HEATR4: variants seen among roughly 807,000 people sequenced by gnomAD.
The protein encoded by HEATR4 is HEAT repeat-containing protein 4.
HEATR4 carries 95 observed loss-of-function variants against 108.8 expected under a neutral mutation model. The observed-to-expected ratio is 0.87, with a 90% CI of 0.74 to 1.04. The LOEUF (loss-of-function observed/expected upper bound fraction) is 1.04. HEATR4 is among the 50% of genes least tolerant of loss of function. The pLI is 0.00. For synonymous variants in HEATR4, 443 were observed against 459.4 expected (o/e 0.96, Z 0.46); for missense variants, 1,152 against 1,253.8 (o/e 0.92, Z 1.23).
chr14:73,507,030 T>C (rs998383521), intron 9 of HEATR4, among the ~76,000 whole-genome samples: 1 of 152,020 alleles, frequency 6.6e-6, no homozygotes, highest in Non-Finnish European at 1.5e-5. Flanking sequence ...CTTGAATTCC[T>C]GACCTCAGGT....
In HEATR4 at chr14:73,492,005, A is replaced by T. The variant is rs1394950635; in HGVS notation, c.2844+1061T>A. The T allele has an allele frequency of 6.2e-7, 1 of 1,613,836 alleles. No homozygotes were observed. Among genetic ancestry groups the T allele is most frequent in the Non-Finnish European group, 8.5e-7 (1 of 1,179,872 alleles). On this transcript the variant is annotated intron_variant, in intron 17 of 17. Coordinates refer to ENST00000553558, the MANE Select transcript of HEATR4 (RefSeq NM_001220484.1). The surrounding 1 kb of genome is among the most constrained non-coding windows in gnomAD (Gnocchi z 4.9). ...CATGGCAGGCTCCAACGTTTACCTC[A>T]CGCCCCCTAACTCGCAGGGCTTTGC...
chr14:73,508,707 C>T (rs1887004133), intron 8 of HEATR4, among the ~76,000 whole-genome samples: 1 of 142,074 alleles, frequency 7.0e-6, no homozygotes, highest in South Asian at 2.3e-4. Flanking sequence ...GCTGAGATCC[C>T]ACCATTGCAC....
chr14:73,569,011 A>T, the HEATR4 span: 1 of 557,376 alleles, frequency 1.8e-6, no homozygotes, highest in Non-Finnish European at 3.2e-6. Flanking sequence ...CTGGTTCTTT[A>T]AGAACCAGCC....
chr14:73,537,640 G>T lies in HEATR4; in HGVS notation c.-151-7396C>A, dbSNP rs763398586. 2.9e-4 allele frequency: 356 copies of T among 1,226,540 alleles called. 109 individuals are homozygous for T. The highest frequency in any genetic ancestry group is 8.5e-5 in the South Asian group (6 of 70,660). 76.0% of individuals were successfully genotyped at this position (1,226,540 alleles called of 1,614,324 possible). On this transcript the variant is annotated intron_variant, in intron 1 of 17. Coordinates refer to ENST00000553558, the MANE Select transcript of HEATR4 (RefSeq NM_001220484.1). ...CGCCCGCGCTGGGCGGCAGCTTCGCGGGGCTTGAGCCCATGGGGCTGCTCT... is the reference window on the plus strand; with the variant it reads ...CGCCCGCGCTGGGCGGCAGCTTCGCTGGGCTTGAGCCCATGGGGCTGCTCT...
At chr14:73,495,203 T>C (rs757914732) in intron 16 of HEATR4, 25 bp downstream of exon 16, 2 of 1,603,242 alleles carry the variant, frequency 1.2e-6, no homozygotes, top group South Asian at 2.2e-5. Flanking sequence ...AATCAAGGCA[T>C]GGAACTCACC....
chr14:73,575,486 C>A, the HEATR4 span: 3 of 1,504,534 alleles, frequency 2.0e-6, no homozygotes, highest in South Asian at 1.3e-5. Flanking sequence ...TGGGTGGCCA[C>A]GAGGGGACAA....
chr14:73,573,474 G>C, the HEATR4 span: 4 of 1,613,558 alleles, frequency 2.5e-6, no homozygotes, highest in East Asian at 6.7e-5. Context: ...GGCTGGGAAG[G>C]GTTTTGCTGT....
chr14:73,592,479 TGCTGATTTA>T, the HEATR4 span: 1 of 1,437,570 alleles, frequency 7.0e-7, no homozygotes, highest in Non-Finnish European at 9.1e-7. Context: ...TTGTTTCCAG[TGCTGATTTA>T]GCACTGGTTT....
the HEATR4 span, among the ~76,000 whole-genome samples, chr14:73,633,494 CTT>C: frequency 2.6e-5 from 4 of 152,140 alleles, no homozygotes; most frequent in Non-Finnish European, 5.9e-5. Context: ...AACGTTTAAA[CTT>C]TAACTTTGAT....
chr14:73,627,471 A>G, the HEATR4 span, among the ~76,000 whole-genome samples: 1 of 152,156 alleles, frequency 6.6e-6, no homozygotes, highest in Non-Finnish European at 1.5e-5. Flanking sequence ...TGGGGTTCCA[A>G]TGACCTCCTT....
Position 73,538,778 on chromosome 14 carries a change from G to A in HEATR4, c.-151-8534C>T, listed in dbSNP as rs1595154564. On this transcript the variant is annotated intron_variant, in intron 1 of 17. Coordinates refer to ENST00000553558, the MANE Select transcript of HEATR4 (RefSeq NM_001220484.1). ...GGATCAAGAGTTCGAGACCAGCCTG[G>A]CCAACATGGTGAAACCCCGTCTCTA... Among the ~76,000 whole-genome samples, 2 of 113,526 alleles carry A rather than the reference G, an allele frequency of 1.8e-5. 1 individual carries two copies. The highest frequency in any genetic ancestry group is 1.4e-3 in the East Asian group (2 of 1,422). The allele number at this position is 113,526 out of a possible 152,430, so 74.5% of individuals were successfully genotyped here.
the HEATR4 span, among the ~76,000 whole-genome samples, chr14:73,577,523 A>G: frequency 7.1e-6 from 1 of 141,558 alleles, no homozygotes; most frequent in South Asian, 2.5e-4. Context: ...CCAGGCCACA[A>G]CACAAAATTT....
the HEATR4 span, among the ~76,000 whole-genome samples, chr14:73,615,388 TAAAAA>T: frequency 1.6e-5 from 1 of 63,336 alleles, no homozygotes; most frequent in Non-Finnish European, 2.7e-5. Flanking sequence ...CTCTGTCTGA[TAAAAA>T]AAAAAAAAAA....
At chr14:73,513,888 G>T in intron 6 of HEATR4, 143 bp downstream of exon 6, 2 of 743,230 alleles carry the variant, frequency 2.7e-6, no homozygotes, top group Non-Finnish European at 2.3e-6. Flanking sequence ...TGTGTGAAAG[G>T]CTCTTGTCTA....
rs1296946736 is a variant in HEATR4, at chr14:73,539,764, A to G, written c.-151-9520T>C. ...GCACGCGGTCCCTGTCCATCAGCAC[A>G]CGCGTGGGCTGTGCTCATCGCTGCC... On this transcript the variant is annotated intron_variant, in intron 1 of 17. Transcript: ENST00000553558. 2 of 117,504 alleles carry G rather than the reference A, an allele frequency of 1.7e-5. 1 individual carries two copies. The highest frequency in any genetic ancestry group is 5.6e-5 in the African/African-American group (2 of 36,018). 7.3% of individuals were successfully genotyped at this position (117,504 alleles called of 1,614,324 possible). A position where few individuals can be genotyped will look rare whatever the true frequency, so the allele number is the denominator to read the frequency against.
At position 73,520,950 on chromosome 14, in the gene HEATR4, G is replaced by A. The variant is rs1264673625; in HGVS notation, c.971C>T (p.Ser324Phe). ...AAAGTAGCTCTGGGTTTGGGGCTGG[G>A]AGAGGCTCGTCTTTTCATGGATATC... ...TEDIHEKTSL[S>F]QPQTQSYFRQ... Residue 324 changes from serine to phenylalanine, a missense_variant, in exon 4 of 18, where the codon TCC becomes TTC. Ser to Phe is a radical substitution (Grantham distance 155). Transcript: ENST00000553558. 7 of 1,613,892 alleles carry A rather than the reference G, an allele frequency of 4.3e-6. No individual in the cohort carries two copies. The African/African-American group carries it at 5.3e-5, about 12-fold the overall frequency.
At chr14:73,498,985 C>T in intron 13 of HEATR4, 86 bp downstream of exon 13, 1 of 1,115,506 alleles carries the variant, frequency 9.0e-7, no homozygotes, top group East Asian at 2.3e-5. Context: ...CACTTCACCC[C>T]ATTAGAGAGT....
In HEATR4 at chr14:73,509,426, C is replaced by T. The variant is rs768436223; in HGVS notation, c.1606G>A (p.Ala536Thr). The T allele has an allele frequency of 3.6e-5, 58 of 1,613,970 alleles. No individual in the cohort carries two copies. The highest frequency in any genetic ancestry group is 2.3e-4 in the South Asian group (21 of 91,068). The change falls in exon 8 of 18, where the codon GCT becomes ACT. Residue 536 changes from alanine to threonine, a missense_variant. Physicochemically the swap from Ala to Thr is moderately conservative, Grantham distance 58. Transcript: ENST00000553558. ...LPEVLLPALE[A>T]ALCDKNAHVR... ...TGGGCATTCTTGTCACAAAGAGCAG[C>T]CTCTAGGGCAGGCAGTAGAACCTCC...
At chr14:73,592,260 C>T in the HEATR4 span, 2 of 1,613,266 alleles carry the variant, frequency 1.2e-6, no homozygotes, top group Non-Finnish European at 8.5e-7. Context: ...CGTACAGATT[C>T]CTTTTGTCGT....
Sources: gnomAD v4.1 joint callset for allele counts (sites outside exome capture counted in the v4.1 genomes callset) on GRCh38, gnomAD v4.1.1 for gene constraint, Gnocchi (gnomAD v3.1) non-coding constraint, MANE v1.5 for transcripts, NCBI Gene and HGNC (gene_info 2026-07-23, HGNC 2026-07-21) for gene names.